PLAA: variants seen among roughly 807,000 people sequenced by gnomAD.
The protein encoded by PLAA is phospholipase A2 activating protein, also known as phospholipase A-2-activating protein.
A neutral mutation model predicts 84.1 loss-of-function variants in PLAA; 48 were observed. The ratio of observed to expected loss-of-function variants is 0.57; its 90% CI spans 0.45 to 0.73. The LOEUF (loss-of-function observed/expected upper bound fraction) is 0.73, where lower values mean the gene tolerates loss of function less well. Ranked by LOEUF, PLAA falls within the 30% of genes least tolerant of loss-of-function variation. The pLI is 0.00. For missense variants in PLAA, 903 were observed against 954.7 expected (o/e 0.95, Z 0.71); for synonymous variants, 392 against 336.6 (o/e 1.16, Z -1.80).
At chr9:26,909,602 A>G (rs1289163854) in intron 12 of PLAA, among the ~76,000 whole-genome samples, 5 of 151,862 alleles carry the variant, frequency 3.3e-5, no homozygotes, top group Admixed American at 6.6e-5. Flanking sequence ...CAAAGTCACT[A>G]AAGCAGATTA....
chr9:26,940,628 T>C (rs1732131184), intron 1 of PLAA, among the ~76,000 whole-genome samples: 1 of 152,172 alleles, frequency 6.6e-6, no homozygotes, highest in South Asian at 2.1e-4. Flanking sequence ...CAGTTTAAAA[T>C]GGTTAAGATG....
At position 26,910,354 on chromosome 9, in the gene PLAA, G is replaced by A. The variant is rs370007847; in HGVS notation, c.1641C>T (p.Asn547=). 2.5e-6 allele frequency: 4 copies of A among 1,610,246 alleles called. No individual in the cohort carries two copies. Among genetic ancestry groups the A allele is most frequent in the Non-Finnish European group, 3.4e-6 (4 of 1,176,766 alleles). The change falls in exon 12 of 14, where the codon AAC becomes AAT. Residue 547 remains asparagine (N), a synonymous_variant. Transcript: ENST00000397292. The part of the protein sequence containing the change: ...KKEAVTFDQA[N]PTQILGKLKE... ...GAAACTTACCTAATATTTGTGTAGG[G>A]TTTGCTTGGTCAAATGTGACAGCCT... is the stretch of plus-strand genomic sequence containing the variant.
intron 13 of PLAA, 134 bp from the exon 14 acceptor site, chr9:26,906,210 TA>T (rs953057317): frequency 5.6e-5 from 30 of 532,844 alleles, no homozygotes; most frequent in Admixed American, 2.6e-4. Context: ...GTGTCTGCTT[TA>T]AAAAAAATGC....
intron 7 of PLAA, among the ~76,000 whole-genome samples, chr9:26,920,948 G>A (rs1824739600): frequency 6.6e-6 from 1 of 151,964 alleles, no homozygotes; most frequent in Non-Finnish European, 1.5e-5. Flanking sequence ...ATTCCACCCA[G>A]CAACTTCAGG....
intron 9 of PLAA, 186 bp downstream of exon 9, chr9:26,919,124 C>T (rs1824669389): frequency 4.7e-6 from 2 of 425,072 alleles, no homozygotes; most frequent in Non-Finnish European, 4.2e-6. Flanking sequence ...CAACAATTTA[C>T]TATTATTTCT....
intron 2 of PLAA, among the ~76,000 whole-genome samples, chr9:26,930,103 A>ATT (rs1175149046): frequency 3.4e-5 from 5 of 147,072 alleles, no homozygotes; most frequent in African/African-American, 1.2e-4. Context: ...TATTATTATT[A>ATT]TTATTTTTTT....
chr9:26,941,061 TC>T (rs1825518556), intron 1 of PLAA, among the ~76,000 whole-genome samples: 1 of 152,054 alleles, frequency 6.6e-6, no homozygotes, highest in African/African-American at 2.4e-5. Context: ...CAGATTAGGT[TC>T]TTTGTGTCTT....
At chr9:26,937,661 A>G (rs1825404036) in intron 1 of PLAA, among the ~76,000 whole-genome samples, 2 of 152,180 alleles carry the variant, frequency 1.3e-5, no homozygotes. Flanking sequence ...AGTCAAGAAA[A>G]TTATGCATGA....
intron 10 of PLAA, 109 bp downstream of exon 10, chr9:26,916,988 A>G: frequency 3.3e-6 from 3 of 907,554 alleles, no homozygotes; most frequent in Non-Finnish European, 5.1e-6. Context: ...GGAAATGCAG[A>G]TAAGGGAATT....
intron 10 of PLAA, chr9:26,916,166 CGTT>C (rs1824550094): frequency 1.0e-6 from 1 of 984,210 alleles, no homozygotes; most frequent in African/African-American, 1.8e-5. Flanking sequence ...GCTGACCTAA[CGTT>C]GTATGTTTGT....
In PLAA at chr9:26,903,481, T is replaced by C. The variant is rs766739654; in HGVS notation, c.*2030A>G. On this transcript the variant is annotated 3_prime_UTR_variant, in exon 14 of 14. Coordinates refer to ENST00000397292, the MANE Select transcript of PLAA (RefSeq NM_001031689.3). ...ACAACGCTTTTTTAATAAAATAAAATACATTTACATACATAGTCACTATGC... is the reference window on the plus strand; with the variant it reads ...ACAACGCTTTTTTAATAAAATAAAACACATTTACATACATAGTCACTATGC... 6.6e-6 allele frequency among the ~76,000 whole-genome samples: 1 copy of C among 152,204 alleles called. No individual in the cohort carries two copies. Among genetic ancestry groups the C allele is most frequent in the Non-Finnish European group, 1.5e-5 (1 of 68,022 alleles).
intron 12 of PLAA, among the ~76,000 whole-genome samples, chr9:26,908,805 T>C (rs1409840788): frequency 6.6e-6 from 1 of 152,138 alleles, no homozygotes; most frequent in East Asian, 1.9e-4. Flanking sequence ...AGCAGTATCA[T>C]GTGTAATATA....
rs561731326 is a variant in PLAA, at chr9:26,928,047, T to A, written c.565+53A>T. 2.3e-4 allele frequency: 354 copies of A among 1,545,642 alleles called. 3 individuals are homozygous for A. In the South Asian group the frequency reaches 4.0e-3, roughly 17 times the overall value. ...GCTTGTAAACTTCTGAGAAAAAAAATCTGAGCAAATAAAAAGCAATGATAT... is the reference window on the plus strand; with the variant it reads ...GCTTGTAAACTTCTGAGAAAAAAAAACTGAGCAAATAAAAAGCAATGATAT... On this transcript the variant is annotated intron_variant, in intron 4 of 13. Transcript: ENST00000397292.
chr9:26,937,121 G>A (rs961190847), intron 1 of PLAA, among the ~76,000 whole-genome samples: 2 of 151,744 alleles, frequency 1.3e-5, no homozygotes, highest in African/African-American at 2.4e-5. Flanking sequence ...AGCCTGGGGG[G>A]ACAACAGCAA....
At chr9:26,921,590 G>A (rs1824761701) in intron 7 of PLAA, among the ~76,000 whole-genome samples, 1 of 152,192 alleles carries the variant, frequency 6.6e-6, no homozygotes, top group African/African-American at 2.4e-5. Flanking sequence ...CAGAAAATGT[G>A]GATAGGCCAG....
intron 12 of PLAA, 147 bp from the exon 13 acceptor site, chr9:26,908,145 G>A (rs1478561226): frequency 1.9e-6 from 1 of 521,118 alleles, no homozygotes; most frequent in Non-Finnish European, 3.3e-6. Context: ...CATAAAGTAA[G>A]GATAAGGCTT....
At chr9:26,907,667 A>T (rs2131363595) in intron 13 of PLAA, 167 bp downstream of exon 13, 2 of 502,808 alleles carry the variant, frequency 4.0e-6, no homozygotes, top group East Asian at 3.3e-5. Flanking sequence ...CGGAAACAAG[A>T]TCATCAATTC....
intron 1 of PLAA, among the ~76,000 whole-genome samples, chr9:26,939,476 TGA>T (rs1182577408): frequency 1.8e-5 from 2 of 109,984 alleles, no homozygotes; most frequent in African/African-American, 7.4e-5. Flanking sequence ...ATGCAGGAGA[TGA>T]GAGACCAAAA....
intron 1 of PLAA, among the ~76,000 whole-genome samples, chr9:26,937,304 G>T (rs984630968): frequency 2.0e-5 from 3 of 152,102 alleles, no homozygotes; most frequent in Non-Finnish European, 4.4e-5. Flanking sequence ...GCTCAGAAAA[G>T]ACTGAGAAGA....
Sources: allele counts gnomAD v4.1 joint callset (sites outside exome capture counted in the v4.1 genomes callset), GRCh38; gene constraint gnomAD v4.1.1; transcripts MANE v1.5; gene names NCBI Gene and HGNC (gene_info 2026-07-23, HGNC 2026-07-21).